GLI2: variants seen among roughly 807,000 people sequenced by gnomAD.
GLI2 encodes the protein transcription activator GLI2.
A neutral mutation model predicts 78.9 loss-of-function variants in GLI2; 22 were observed. The ratio of observed to expected loss-of-function variants is 0.28; its 90% CI spans 0.20 to 0.40. The LOEUF (loss-of-function observed/expected upper bound fraction) is 0.40. Among genes scored for constraint, GLI2 ranks in the 10% least tolerant of loss-of-function variants. The pLI is 1.00. For synonymous variants in GLI2, 974 were observed against 963.7 expected (o/e 1.01, Z -0.20); for missense variants, 2,097 against 2,213.2 (o/e 0.95, Z 1.05).
Position 120,800,394 on chromosome 2 carries a change from C to T in GLI2, c.148+2926C>T, listed in dbSNP as rs150993273. Among the ~76,000 whole-genome samples the T allele has an allele frequency of 1.2e-3, 177 of 152,214 alleles. No individual in the cohort carries two copies. Among genetic ancestry groups the T allele is most frequent in the African/African-American group, 4.2e-3 (173 of 41,536 alleles). ...ACTTAGAAGCCTGGCTCCTCTGAGG[C>T]CTGGCTTGTTCCTCCAAATCCCGTG... is the stretch of plus-strand genomic sequence containing the variant. On this transcript the variant is annotated intron_variant, in intron 2 of 13. Transcript: ENST00000361492. This position sits in a 1 kb window ranked among gnomAD's most constrained non-coding sequence, Gnocchi z 4.1.
At chr2:120,910,671 G>A (rs1678771781) in intron 2 of GLI2, among the ~76,000 whole-genome samples, 1 of 152,222 alleles carries the variant, frequency 6.6e-6, no homozygotes, top group South Asian at 2.1e-4. Flanking sequence ...CAGAAGAGGG[G>A]CCCATTTTTA....
chr2:120,768,828 T>TGTGTGTGTGTGTGTGTGC (rs1016876371), intron 1 of GLI2, among the ~76,000 whole-genome samples: 5 of 150,414 alleles, frequency 3.3e-5, no homozygotes, highest in African/African-American at 1.2e-4. Context: ...TGTGTGTGTG[T>TGTGTGTGTGTGTGTGTGC]GCGTGTGTGT....
chr2:120,905,723 G>T (rs998720393), intron 2 of GLI2, among the ~76,000 whole-genome samples: 4 of 152,224 alleles, frequency 2.6e-5, no homozygotes, highest in Admixed American at 1.3e-4. Flanking sequence ...AGGAACGAAC[G>T]TTCTCCAGGA....
chr2:120,961,382 C>T (rs1681549072), intron 5 of GLI2, among the ~76,000 whole-genome samples: 2 of 152,150 alleles, frequency 1.3e-5, no homozygotes, highest in South Asian at 4.1e-4. Flanking sequence ...GGAAGGGGAA[C>T]CGAGGCAAAG....
At chr2:120,891,339 G>A (rs1417116400) in intron 2 of GLI2, among the ~76,000 whole-genome samples, 2 of 152,150 alleles carry the variant, frequency 1.3e-5, no homozygotes, top group African/African-American at 2.4e-5. Context: ...TTGCCTAGTG[G>A]TTAAGAGTTG....
chr2:120,794,576 A>G (rs1684297095), intron 1 of GLI2, among the ~76,000 whole-genome samples: 1 of 152,026 alleles, frequency 6.6e-6, no homozygotes, highest in Non-Finnish European at 1.5e-5. Context: ...AGTGCTGGTG[A>G]GGCGTGCGAG....
intron 2 of GLI2, among the ~76,000 whole-genome samples, chr2:120,831,717 G>A (rs1686368765): frequency 2.0e-5 from 3 of 152,138 alleles, no homozygotes; most frequent in Non-Finnish European, 4.4e-5. Context: ...GTGCCTCCTG[G>A]TCTGGTGGCT....
In GLI2 at chr2:120,755,214, A is replaced by G. The variant is rs543149841; in HGVS notation, c.-31+18929A>G. ...AGCAGCTGTACCATTTTATATTCCC[A>G]CCAATGGTATTTGAAAGTTCCATTC... is the stretch of plus-strand genomic sequence containing the variant. On this transcript the variant is annotated intron_variant, in intron 1 of 13. Transcript: ENST00000361492. 2.3e-4 allele frequency among the ~76,000 whole-genome samples: 35 copies of G among 152,264 alleles called. No homozygotes were observed. The East Asian group carries it at 5.4e-3, about 23-fold the overall frequency.
intron 2 of GLI2, among the ~76,000 whole-genome samples, chr2:120,804,954 CA>C (rs1684873894): frequency 6.6e-6 from 1 of 152,218 alleles, no homozygotes; most frequent in African/African-American, 2.4e-5. Context: ...GTCTTCTGGG[CA>C]AATCAAGGAA....
chr2:120,910,249 A>AG (rs2104810385), intron 2 of GLI2, among the ~76,000 whole-genome samples: 1 of 152,300 alleles, frequency 6.6e-6, no homozygotes, highest in African/African-American at 2.4e-5. Context: ...GGCCTGAGCC[A>AG]GGGGTGACAG....
At chr2:120,825,827 C>T (rs1686029517) in intron 2 of GLI2, among the ~76,000 whole-genome samples, 1 of 152,262 alleles carries the variant, frequency 6.6e-6, no homozygotes, top group Admixed American at 6.5e-5. Flanking sequence ...TAGGGCTAAG[C>T]CCCAAGGCCA....
At chr2:120,978,956 A>G (rs779484581) in intron 10 of GLI2, among the ~76,000 whole-genome samples, 7 of 152,208 alleles carry the variant, frequency 4.6e-5, no homozygotes, top group Non-Finnish European at 8.8e-5. Context: ...ATCATTGGTG[A>G]TTCAGAGCTT....
At chr2:120,740,765 C>T (rs2104620014) in intron 1 of GLI2, among the ~76,000 whole-genome samples, 1 of 152,338 alleles carries the variant, frequency 6.6e-6, no homozygotes, top group South Asian at 2.1e-4. Flanking sequence ...GAACCAAAAA[C>T]AGCAGTGAAA....
At chr2:120,923,873 C>T (rs1034863331) in intron 2 of GLI2, among the ~76,000 whole-genome samples, 3 of 152,170 alleles carry the variant, frequency 2.0e-5, no homozygotes, top group African/African-American at 7.2e-5. Context: ...CACACACACA[C>T]ACACCATGGC....
At chr2:120,938,215 A>G (rs1456180741) in intron 3 of GLI2, among the ~76,000 whole-genome samples, 1 of 152,152 alleles carries the variant, frequency 6.6e-6, no homozygotes, top group East Asian at 1.9e-4. Context: ...TCCTGGTTCC[A>G]CTGCACAGAA....
intron 2 of GLI2, among the ~76,000 whole-genome samples, chr2:120,810,242 AC>A (rs1685174616): frequency 6.6e-6 from 1 of 152,162 alleles, no homozygotes; most frequent in South Asian, 2.1e-4. Context: ...GTGAGTATCT[AC>A]CAGATCTTGG....
chr2:120,950,771 C>G (rs945943960), intron 3 of GLI2, among the ~76,000 whole-genome samples: 2 of 152,264 alleles, frequency 1.3e-5, no homozygotes, highest in Non-Finnish European at 2.9e-5. Flanking sequence ...AGGACATCTC[C>G]TGATCCCTCT....
At chr2:120,852,477 G>A (rs1248577910) in intron 2 of GLI2, among the ~76,000 whole-genome samples, 2 of 152,152 alleles carry the variant, frequency 1.3e-5, no homozygotes, top group Non-Finnish European at 2.9e-5. Context: ...ATGATATGTC[G>A]TGTCCGTGCC....
intron 3 of GLI2, among the ~76,000 whole-genome samples, chr2:120,940,405 C>G (rs1226811484): frequency 1.3e-5 from 2 of 152,202 alleles, no homozygotes; most frequent in Non-Finnish European, 2.9e-5. Flanking sequence ...CCTTATTCAG[C>G]TATTCTCCCA....
Sources: gnomAD v4.1 joint callset for allele counts (sites outside exome capture counted in the v4.1 genomes callset) on GRCh38, gnomAD v4.1.1 for gene constraint, Gnocchi (gnomAD v3.1) non-coding constraint, MANE v1.5 for transcripts, NCBI Gene and HGNC (gene_info 2026-07-23, HGNC 2026-07-21) for gene names.